The following ODAD4 variants were observed in gnomAD, a reference collection of about 807,000 sequenced individuals.
ODAD4 encodes the protein outer dynein arm-docking complex subunit 4.
A neutral mutation model predicts 51.8 loss-of-function variants in ODAD4; 49 were observed. The observed-to-expected ratio is 0.95, with a 90% CI of 0.75 to 1.20. ODAD4 has a LOEUF of 1.20. ODAD4 is among the 50% of genes most tolerant of loss of function. The pLI is 0.00. For synonymous variants in ODAD4, 235 were observed against 221.3 expected (o/e 1.06, Z -0.55); for missense variants, 590 against 586.5 (o/e 1.01, Z -0.06).
chr17:41,949,651 C>T (rs2050628619), intron 9 of ODAD4, among the ~76,000 whole-genome samples: 1 of 152,046 alleles, frequency 6.6e-6, no homozygotes, highest in East Asian at 1.9e-4. Context: ...TTTCCTTCTG[C>T]CTTGGTACTT....
At chr17:41,940,746 T>C (rs1236121781) in intron 7 of ODAD4, among the ~76,000 whole-genome samples, 2 of 152,154 alleles carry the variant, frequency 1.3e-5, no homozygotes, top group Admixed American at 1.3e-4. Flanking sequence ...TATGGTACCT[T>C]GGATCCAACC....
chr17:41,944,444 A>ACACACACACACCCC (rs1191101800), intron 7 of ODAD4, among the ~76,000 whole-genome samples: 11 of 19,560 alleles, frequency 5.6e-4, no homozygotes, highest in African/African-American at 6.8e-4. Flanking sequence ...ACACACACAC[A>ACACACACACACCCC]CCCCCCCGCA....
Position 41,945,163 on chromosome 17 carries a change from C to G in ODAD4, c.1086C>G (p.Ala362=), listed in dbSNP as rs1555639322. Residue 362 remains alanine (A), a synonymous_variant, in exon 8 of 12, where the codon GCC becomes GCG. Transcript: ENST00000377540. ...ACCTTCCTGATGCAAAATCGAGAGC[C>G]CTTGACAACATTGGCAGAGTTTTTG... ...EYDLPDAKSR[A]LDNIGRVFAR... 2 of 1,613,338 alleles carry G rather than the reference C, an allele frequency of 1.2e-6. No homozygotes were observed. Among genetic ancestry groups the G allele is most frequent in the South Asian group, 2.2e-5 (2 of 90,814 alleles).
At position 41,966,148 on chromosome 17, in the gene ODAD4, C is replaced by T. The variant is rs1555642734; in HGVS notation, c.*665C>T. Among the ~76,000 whole-genome samples the T allele has an allele frequency of 6.6e-6, 1 of 152,178 alleles. No individual in the cohort carries two copies. Among genetic ancestry groups the T allele is most frequent in the Non-Finnish European group, 1.5e-5 (1 of 68,026 alleles). On this transcript the variant is annotated 3_prime_UTR_variant, in exon 12 of 12. Coordinates refer to ENST00000377540, the MANE Select transcript of ODAD4 (RefSeq NM_031421.5). ...TAGCACAGCACTTGGACAGGAAACT[C>T]AAAAATCCAACGGAGCTCTCAGTGG... is the stretch of plus-strand genomic sequence containing the variant.
At chr17:41,961,591 C>A in intron 11 of ODAD4, 125 bp downstream of exon 11, 1 of 652,794 alleles carries the variant, frequency 1.5e-6, no homozygotes, top group Admixed American at 2.3e-5. Context: ...ATCGTGCATT[C>A]TAATTTCAGT....
At chr17:41,951,611 C>T (rs374160939) in intron 9 of ODAD4, among the ~76,000 whole-genome samples, 14 of 151,156 alleles carry the variant, frequency 9.3e-5, no homozygotes, top group Non-Finnish European at 1.9e-4. Flanking sequence ...GGGACAGGCA[C>T]GGTGGCTCAC....
At chr17:41,947,313 A>G (rs1319013157) in intron 8 of ODAD4, among the ~76,000 whole-genome samples, 1 of 150,174 alleles carries the variant, frequency 6.7e-6, no homozygotes, top group Non-Finnish European at 1.5e-5. Context: ...CTCTACTAAA[A>G]AAAAAGAAAA....
chr17:41,938,711 G>T lies in ODAD4; in HGVS notation c.780G>T (p.Leu260=). The T allele has an allele frequency of 6.2e-7, 1 of 1,613,898 alleles. No individual in the cohort carries two copies. The highest frequency in any genetic ancestry group is 8.5e-7 in the Non-Finnish European group (1 of 1,179,902). ...GGAAGCTGATGCAAGAGAAATGGCT[G>T]CGGGACCACAAACGCCGTCCCTCAC... ...RDRKLMQEKW[L]RDHKRRPSQT... Residue 260 remains leucine (L), a synonymous_variant, in exon 6 of 12, where the codon CTG becomes CTT. Transcript: ENST00000377540.
intron 8 of ODAD4, 27 bp downstream of exon 8, chr17:41,945,249 C>G: frequency 1.3e-6 from 2 of 1,562,946 alleles, no homozygotes; most frequent in Admixed American, 1.7e-5. Flanking sequence ...TGCCTCTTCC[C>G]CACCTCCATG....
intron 8 of ODAD4, 50 bp downstream of exon 8, chr17:41,945,272 C>T (rs368977590): frequency 2.5e-5 from 35 of 1,390,134 alleles, no homozygotes; most frequent in Non-Finnish European, 3.5e-5. Context: ...TAGAACTTCT[C>T]ACCATAACAT....
At chr17:41,937,295 G>A (rs1021473877) in intron 5 of ODAD4, among the ~76,000 whole-genome samples, 119 of 152,162 alleles carry the variant, frequency 7.8e-4, no homozygotes, top group African/African-American at 2.7e-3. Context: ...GGAATCCAGC[G>A]GATATGTGCT....
intron 7 of ODAD4, among the ~76,000 whole-genome samples, chr17:41,941,445 C>T (rs2050504429): frequency 6.6e-6 from 1 of 152,192 alleles, no homozygotes; most frequent in African/African-American, 2.4e-5. Context: ...GCCACCCATT[C>T]TTCAACATTT....
chr17:41,940,067 C>T (rs1225725718), intron 7 of ODAD4, among the ~76,000 whole-genome samples: 1 of 152,180 alleles, frequency 6.6e-6, no homozygotes, highest in Non-Finnish European at 1.5e-5. Context: ...CCCGGAGGTT[C>T]CATCGCTTTC....
rs1217518880 is a variant in ODAD4 at position 41,949,321 on chromosome 17, T to C, written c.1314T>C (p.Asn438=). 2 of 398,544 alleles carry C rather than the reference T, an allele frequency of 5.0e-6. No individual in the cohort carries two copies. Among genetic ancestry groups the C allele is most frequent in the African/African-American group, 4.1e-5 (2 of 48,620 alleles). The allele number at this position is 398,544 out of a possible 1,614,324, so 24.7% of individuals were successfully genotyped here. Residue 438 remains asparagine, a synonymous_variant, in exon 9 of 12, where the codon AAT becomes AAC. Coordinates refer to ENST00000377540, the MANE Select transcript of ODAD4 (RefSeq NM_031421.5). The part of the protein sequence containing the change: ...EEEGDIEWQL[N]ASVLVAQAQV... ...AAGGGGACATTGAGTGGCAACTGAA[T>C]GCCAGTGTTCTGGTGGCCCAGGCAC...
intron 5 of ODAD4, among the ~76,000 whole-genome samples, chr17:41,937,293 G>A (rs894225849): frequency 1.3e-5 from 2 of 152,218 alleles, no homozygotes; most frequent in Non-Finnish European, 2.9e-5. Flanking sequence ...AAGGAATCCA[G>A]CGGATATGTG....
chr17:41,961,794 G>T (rs145891610), intron 11 of ODAD4, among the ~76,000 whole-genome samples: 1 of 152,314 alleles, frequency 6.6e-6, no homozygotes, highest in Non-Finnish European at 1.5e-5. Context: ...CCCTGGAGGA[G>T]CCCATGGCCC....
rs782439312 is a variant in ODAD4 at position 41,936,946 on chromosome 17, G to A, written c.625+19G>A. The A allele has an allele frequency of 6.0e-5, 96 of 1,611,300 alleles. No homozygotes were observed. Among genetic ancestry groups the A allele is most frequent in the Non-Finnish European group, 7.6e-5 (89 of 1,177,976 alleles). Reference sequence around the variant, plus strand: ...GATGAAGGTTTCGGACACTTTGTTGGCACGGGGCCTTGGGGGAAAGGAAAT... The same window carrying A: ...GATGAAGGTTTCGGACACTTTGTTGACACGGGGCCTTGGGGGAAAGGAAAT... On this transcript the variant is annotated intron_variant, in intron 5 of 11. Transcript: ENST00000377540.
intron 11 of ODAD4, among the ~76,000 whole-genome samples, 199 bp from the exon 12 acceptor site, chr17:41,964,794 C>T (rs1454510330): frequency 6.6e-6 from 1 of 152,104 alleles, no homozygotes; most frequent in African/African-American, 2.4e-5. Context: ...AGGCGCCAAC[C>T]ACCACGCCTG....
chr17:41,947,397 ATTGC>A (rs2050603429), intron 8 of ODAD4, among the ~76,000 whole-genome samples: 1 of 151,648 alleles, frequency 6.6e-6, no homozygotes, highest in African/African-American at 2.4e-5. Flanking sequence ...AGGCAGGAGA[ATTGC>A]TTGAACCCAG....
Sources: allele counts gnomAD v4.1 joint callset (sites outside exome capture counted in the v4.1 genomes callset), GRCh38; gene constraint gnomAD v4.1.1; transcripts MANE v1.5; gene names NCBI Gene and HGNC (gene_info 2026-07-23, HGNC 2026-07-21).